The following ZNF385D variants were observed in gnomAD, a reference collection of about 807,000 sequenced individuals.
ZNF385D encodes zinc finger protein 659.
In ZNF385D, 15 loss-of-function variants were observed where a neutral mutation model predicts 35.8. The observed-to-expected ratio is 0.42, with a 90% CI of 0.28 to 0.64. The LOEUF (loss-of-function observed/expected upper bound fraction) is 0.64. ZNF385D is among the 30% of genes least tolerant of loss of function. The pLI is 0.23. For synonymous variants in ZNF385D, 212 were observed against 186.8 expected (o/e 1.13, Z -1.10); for missense variants, 474 against 494.6 (o/e 0.96, Z 0.39).
At chr3:21,810,360 G>A (rs554104214) in intron 3 of ZNF385D, among the ~76,000 whole-genome samples, 28 of 148,490 alleles carry the variant, frequency 1.9e-4, no homozygotes, top group African/African-American at 6.9e-4. Flanking sequence ...ATACATGTGT[G>A]TCTGGGGCCT....
chr3:21,923,922 A>G (rs756609214), intron 3 of ZNF385D, among the ~76,000 whole-genome samples: 59 of 152,206 alleles, frequency 3.9e-4, no homozygotes, highest in Non-Finnish European at 6.9e-4. Context: ...ACAAACCTGC[A>G]CGTGTACCTC....
At chr3:22,072,777 G>A (rs1200442062) in intron 3 of ZNF385D, among the ~76,000 whole-genome samples, 2 of 151,722 alleles carry the variant, frequency 1.3e-5, no homozygotes, top group Non-Finnish European at 2.9e-5. Flanking sequence ...GAGAAGGAAG[G>A]AAAAAGGGAA....
At chr3:22,299,848 T>G (rs1299173607) in intron 2 of ZNF385D, among the ~76,000 whole-genome samples, 2 of 151,842 alleles carry the variant, frequency 1.3e-5, no homozygotes, top group Non-Finnish European at 2.9e-5. Flanking sequence ...CCTGTGTCCG[T>G]AGATTAGAAA....
At chr3:21,667,955 C>T (rs1163061761) in intron 1 of ZNF385D, among the ~76,000 whole-genome samples, 1 of 152,086 alleles carries the variant, frequency 6.6e-6, no homozygotes, top group African/African-American at 2.4e-5. Flanking sequence ...TCATAAAAAC[C>T]TTAGAAAGTT....
At chr3:21,912,877 A>T (rs1384469519) in intron 3 of ZNF385D, among the ~76,000 whole-genome samples, 1 of 152,054 alleles carries the variant, frequency 6.6e-6, no homozygotes, top group African/African-American at 2.4e-5. Context: ...GTCTCCCAAG[A>T]GCATACAGAA....
intron 2 of ZNF385D, among the ~76,000 whole-genome samples, chr3:21,614,846 C>G (rs148709544): frequency 3.9e-5 from 6 of 152,150 alleles, no homozygotes; most frequent in African/African-American, 9.7e-5. Context: ...CTCGGCCTCC[C>G]GAAGTGCTGG....
chr3:21,496,889 G>T (rs1348798034), intron 4 of ZNF385D, among the ~76,000 whole-genome samples: 1 of 151,982 alleles, frequency 6.6e-6, no homozygotes, highest in Non-Finnish European at 1.5e-5. Context: ...AAGCATTAAA[G>T]GAGCATACTT....
chr3:21,501,571 A>T (rs1424074676), intron 4 of ZNF385D, among the ~76,000 whole-genome samples: 1 of 152,166 alleles, frequency 6.6e-6, no homozygotes, highest in Non-Finnish European at 1.5e-5. Flanking sequence ...CAACCCGTTC[A>T]CTTTTCCATA....
At chr3:21,559,059 G>A (rs1046131263) in intron 3 of ZNF385D, among the ~76,000 whole-genome samples, 19 of 148,580 alleles carry the variant, frequency 1.3e-4, no homozygotes, top group Admixed American at 2.7e-4. Flanking sequence ...GAGCTTATGC[G>A]TGTTTTTACA....
At chr3:22,133,593 T>C (rs1455829038) in intron 3 of ZNF385D, 3 of 152,088 alleles carry the variant, frequency 2.0e-5, no homozygotes, top group Non-Finnish European at 4.4e-5. Context: ...TAATTTTTTA[T>C]ATTAATTTTT....
chr3:21,918,604 G>A (rs893983017), intron 3 of ZNF385D, among the ~76,000 whole-genome samples: 1 of 152,038 alleles, frequency 6.6e-6, no homozygotes, highest in African/African-American at 2.4e-5. Flanking sequence ...ATACATGAGA[G>A]GAAAAGTGAA....
intron 7 of ZNF385D, among the ~76,000 whole-genome samples, chr3:21,421,869 G>A (rs900856312): frequency 6.6e-6 from 1 of 152,060 alleles, no homozygotes; most frequent in Non-Finnish European, 1.5e-5. Flanking sequence ...GTGTAACCTG[G>A]GTTACATAGA....
At chr3:21,750,196 G>C (rs900678833) in intron 1 of ZNF385D, among the ~76,000 whole-genome samples, 1 of 152,222 alleles carries the variant, frequency 6.6e-6, no homozygotes, top group African/African-American at 2.4e-5. Context: ...CACTTCCAGT[G>C]CTCAACTGAT....
At chr3:22,147,720 T>C (rs545010393) in intron 3 of ZNF385D, among the ~76,000 whole-genome samples, 80 of 152,310 alleles carry the variant, frequency 5.3e-4, no homozygotes, top group Non-Finnish European at 8.4e-4. Flanking sequence ...GTGTGCATTA[T>C]AGAGCTCAGC....
intron 2 of ZNF385D, among the ~76,000 whole-genome samples, chr3:22,216,382 A>C (rs1697886135): frequency 6.6e-6 from 1 of 152,096 alleles, no homozygotes; most frequent in Non-Finnish European, 1.5e-5. Flanking sequence ...AACGCAGAAG[A>C]CTGAAAGCCC....
chr3:21,899,976 C>G (rs1001971009), intron 3 of ZNF385D, among the ~76,000 whole-genome samples: 2 of 152,074 alleles, frequency 1.3e-5, no homozygotes, highest in Non-Finnish European at 1.5e-5. Flanking sequence ...TCAGGTGACA[C>G]GGTTTAAGTT....
intron 3 of ZNF385D, among the ~76,000 whole-genome samples, chr3:21,890,195 G>A (rs1698777650): frequency 6.6e-6 from 1 of 152,170 alleles, no homozygotes; most frequent in Non-Finnish European, 1.5e-5. Flanking sequence ...ATAAGCAAGA[G>A]AGGGAATAAT....
chr3:21,807,919 G>A (rs2072726777), intron 3 of ZNF385D, among the ~76,000 whole-genome samples: 2 of 152,270 alleles, frequency 1.3e-5, no homozygotes, highest in South Asian at 2.1e-4. Flanking sequence ...TAAATTTATA[G>A]AAGGAAATTG....
chr3:22,166,458 G>A (rs1706336153), intron 3 of ZNF385D, among the ~76,000 whole-genome samples: 1 of 152,176 alleles, frequency 6.6e-6, no homozygotes, highest in Admixed American at 6.5e-5. Context: ...ACTTAAGTGA[G>A]TAAGACCAGG....
Sources: allele counts gnomAD v4.1 joint callset (sites outside exome capture counted in the v4.1 genomes callset), GRCh38; gene constraint gnomAD v4.1.1; transcripts MANE v1.5; gene names NCBI Gene and HGNC (gene_info 2026-07-23, HGNC 2026-07-21).